BACE2: variants seen among roughly 807,000 people sequenced by gnomAD.
The protein encoded by BACE2 is beta-secretase 2, also known as 56 kDa aspartic-like protease.
In BACE2, 17 loss-of-function variants were observed where a neutral mutation model predicts 46.2. The ratio of observed to expected loss-of-function variants is 0.37; its 90% CI spans 0.25 to 0.55. The LOEUF (loss-of-function observed/expected upper bound fraction) is 0.55, where lower values mean the gene tolerates loss of function less well. Ranked by LOEUF, BACE2 falls within the 20% of genes least tolerant of loss-of-function variation. The pLI, the probability that BACE2 is intolerant of heterozygous loss-of-function variation, is 0.82. For synonymous variants in BACE2, 277 were observed against 295.9 expected, an observed-to-expected ratio of 0.94 and a Z score of 0.66; for missense variants, 595 against 698.1, an observed-to-expected ratio of 0.85 and a Z score of 1.66.
In BACE2 at chr21:41,168,279, C is replaced by G; in HGVS notation, c.16C>G (p.Arg6Gly). Reference sequence around the variant, plus strand: ...CGCCGTGGGCATGGGCGCACTGGCCCGGGCGCTGCTGCTGCCTCTGCTGGC... The same window carrying G: ...CGCCGTGGGCATGGGCGCACTGGCCGGGGCGCTGCTGCTGCCTCTGCTGGC... MGALARALLLPLLAQW... is the reference protein window; with the variant it reads MGALAGALLLPLLAQW... Residue 6 changes from arginine to glycine, a missense_variant, in exon 1 of 9, where the codon CGG (arginine) becomes GGG (glycine). Physicochemically the swap from Arg to Gly is moderately radical, Grantham distance 125 (BLOSUM62 -2). This residue lies in a region of BACE2 where 248 missense variants were observed against 261.4 expected (regional missense o/e 0.95). Transcript: ENST00000330333. 4.1e-6 allele frequency: 5 copies of G among 1,234,036 alleles called. No homozygotes were observed. The highest frequency in any genetic ancestry group is 3.1e-5 in the South Asian group (1 of 32,278). The allele number at this position is 1,234,036 out of a possible 1,614,324, so 76.4% of individuals were successfully genotyped here.
At position 41,196,937 on chromosome 21, in the gene BACE2, G is replaced by C. The variant is rs1031479488; in HGVS notation, c.312+28362G>C. ...GCTTCGGTTTCCAGGATTTTGTATG[G>C]CATCAGTCTGGTTTGTCTTTTATTT... On this transcript the variant is annotated intron_variant, in intron 1 of 8. Coordinates refer to ENST00000330333, the MANE Select transcript of BACE2 (RefSeq NM_012105.5). Among the ~76,000 whole-genome samples, 5 of 152,100 alleles carry C rather than the reference G, an allele frequency of 3.3e-5. No individual in the cohort carries two copies. In the East Asian group the frequency reaches 7.7e-4, roughly 24 times the overall value.
At chr21:41,211,815 AG>A (rs1311636306) in intron 1 of BACE2, among the ~76,000 whole-genome samples, 4 of 152,252 alleles carry the variant, frequency 2.6e-5, no homozygotes, top group Non-Finnish European at 5.9e-5. Context: ...TGAATCGCCC[AG>A]TTTTTCCCTT....
At chr21:41,195,857 C>CTT (rs1985715381) in intron 1 of BACE2, among the ~76,000 whole-genome samples, 1 of 152,194 alleles carries the variant, frequency 6.6e-6, no homozygotes, top group Non-Finnish European at 1.5e-5. Flanking sequence ...AGAAGTATAA[C>CTT]TTACATGGCT....
chr21:41,271,066 T>A (rs1361594874), intron 8 of BACE2, among the ~76,000 whole-genome samples: 4 of 152,222 alleles, frequency 2.6e-5, no homozygotes, highest in Non-Finnish European at 5.9e-5. Context: ...TATATTTACT[T>A]CTAGTAATTT....
chr21:41,268,214 T>C (rs2088399010), intron 8 of BACE2, among the ~76,000 whole-genome samples: 1 of 152,300 alleles, frequency 6.6e-6, no homozygotes, highest in South Asian at 2.1e-4. Context: ...ATTTTATAGA[T>C]GACAAAACTG....
At chr21:41,198,849 T>TTTTTTTTA (rs369437120) in intron 1 of BACE2, among the ~76,000 whole-genome samples, 30 of 140,108 alleles carry the variant, frequency 2.1e-4, no homozygotes, top group African/African-American at 8.3e-4. Context: ...TCTGTACGCT[T>TTTTTTTTA]TTTATTTATT....
At chr21:41,168,922 C>T (rs1568851789) in intron 1 of BACE2, among the ~76,000 whole-genome samples, 2 of 152,020 alleles carry the variant, frequency 1.3e-5, no homozygotes, top group African/African-American at 2.4e-5. Context: ...CAGCGGGAGA[C>T]GGAGCGGTGG....
chr21:41,232,679 G>A (rs1986999382), intron 2 of BACE2, among the ~76,000 whole-genome samples: 1 of 152,084 alleles, frequency 6.6e-6, no homozygotes, highest in African/African-American at 2.4e-5. Flanking sequence ...ACCATGTAAT[G>A]TACTGTGTCC....
intron 8 of BACE2, 70 bp downstream of exon 8, chr21:41,257,396 C>A: frequency 1.3e-6 from 2 of 1,536,144 alleles, no homozygotes; most frequent in Non-Finnish European, 1.8e-6. Context: ...GACTTGGAAG[C>A]AATTCTTGAT....
chr21:41,253,543 C>A (rs1343226753), intron 7 of BACE2, among the ~76,000 whole-genome samples: 1 of 151,842 alleles, frequency 6.6e-6, no homozygotes, highest in Non-Finnish European at 1.5e-5. Context: ...GTAATAATGT[C>A]AAAACCCAGC....
intron 2 of BACE2, among the ~76,000 whole-genome samples, chr21:41,227,722 T>C (rs1986860067): frequency 6.6e-6 from 1 of 152,226 alleles, no homozygotes; most frequent in African/African-American, 2.4e-5. Flanking sequence ...GTAAGCTTTC[T>C]TCATTGATAT....
chr21:41,190,899 C>T (rs2123512644), intron 1 of BACE2, among the ~76,000 whole-genome samples: 1 of 152,304 alleles, frequency 6.6e-6, no homozygotes, highest in East Asian at 1.9e-4. Context: ...GTAGGAGGAG[C>T]CCAAAGTGTC....
intron 1 of BACE2, chr21:41,186,150 G>T (rs927440815): frequency 2.6e-5 from 4 of 152,190 alleles, no homozygotes; most frequent in Non-Finnish European, 5.9e-5. Context: ...GGGTGCAAAG[G>T]GGACTCTCAC....
chr21:41,221,207 G>A (rs1022520775), intron 1 of BACE2, among the ~76,000 whole-genome samples: 4 of 152,096 alleles, frequency 2.6e-5, no homozygotes, highest in African/African-American at 4.8e-5. Context: ...GTAGCTTTTC[G>A]TTTGAGAAAA....
intron 1 of BACE2, among the ~76,000 whole-genome samples, chr21:41,190,857 TG>T: frequency 6.6e-6 from 1 of 152,350 alleles, no homozygotes; most frequent in African/African-American, 2.4e-5. Context: ...CCCGGCCAAC[TG>T]TAACTCCCAT....
chr21:41,212,503 G>T (rs956034212), intron 1 of BACE2, among the ~76,000 whole-genome samples: 1 of 152,206 alleles, frequency 6.6e-6, no homozygotes, highest in Non-Finnish European at 1.5e-5. Flanking sequence ...ACACTGGTAG[G>T]GGGCAGGAAA....
At chr21:41,215,882 G>T (rs998497269) in intron 1 of BACE2, among the ~76,000 whole-genome samples, 2 of 148,344 alleles carry the variant, frequency 1.3e-5, no homozygotes, top group Admixed American at 6.6e-5. Context: ...ACATGGCCCA[G>T]GGCTAGGCTG....
chr21:41,253,224 G>A (rs181050286), intron 7 of BACE2, among the ~76,000 whole-genome samples: 1,582 of 152,038 alleles, frequency 0.01, 29 homozygotes, highest in African/African-American at 0.035. Context: ...GGTGAATCAC[G>A]AGGTCAGGAG....
At chr21:41,231,859 C>T (rs538183283) in intron 2 of BACE2, among the ~76,000 whole-genome samples, 19 of 152,104 alleles carry the variant, frequency 1.2e-4, no homozygotes, top group South Asian at 4.2e-4. Context: ...AGAGGTGGGA[C>T]GTTAGAAAAT....
Sources: gnomAD v4.1 joint callset for allele counts (sites outside exome capture counted in the v4.1 genomes callset) on GRCh38, gnomAD v4.1.1 for gene constraint, gnomAD v4.1.1 regional missense constraint, MANE v1.5 for transcripts, NCBI Gene and HGNC (gene_info 2026-07-23, HGNC 2026-07-21) for gene names.